The following LIPA variants were observed in gnomAD, a reference collection of about 807,000 sequenced individuals.
The protein encoded by LIPA is lipase A, lysosomal acid type.
In LIPA, 26 loss-of-function variants were observed where a neutral mutation model predicts 40.6. The observed-to-expected ratio is 0.64, with a 90% confidence interval of 0.47 to 0.89. LIPA has a LOEUF of 0.89. Among genes scored for constraint, LIPA ranks in the 40% least tolerant of loss-of-function variants. The pLI, the probability that LIPA is intolerant of heterozygous loss-of-function variation, is 0.00. For synonymous variants in LIPA, 188 were observed against 168.4 expected (o/e 1.12, Z -0.90); for missense variants, 455 against 479.6 (o/e 0.95, Z 0.48).
At chr10:89,304,718 C>T (rs1398293320) in intron 1 of LIPA, among the ~76,000 whole-genome samples, 1 of 152,054 alleles carries the variant, frequency 6.6e-6, no homozygotes, top group African/African-American at 2.4e-5. Flanking sequence ...GAAATACAGG[C>T]TTTTGCTCAT....
chr10:89,302,047 G>A (rs868622841), intron 1 of LIPA: 263 of 1,569,422 alleles, frequency 1.7e-4, no homozygotes, highest in Middle Eastern at 1.0e-3. Context: ...TTTATTGGTG[G>A]CAGAAGAGGA....
intron 2 of LIPA, among the ~76,000 whole-genome samples, chr10:89,390,754 G>A (rs1844241645): frequency 6.6e-6 from 1 of 152,160 alleles, no homozygotes; most frequent in South Asian, 2.1e-4. Context: ...GTAGAACCAA[G>A]ACTGCTGCCA....
intron 1 of LIPA, among the ~76,000 whole-genome samples, chr10:89,331,344 T>G (rs898407576): frequency 1.3e-5 from 2 of 152,098 alleles, no homozygotes; most frequent in Non-Finnish European, 1.5e-5. Flanking sequence ...GTTAATTTTT[T>G]TGTATTTTAG....
At chr10:89,340,716 T>C (rs1207621751) in intron 1 of LIPA, 1 of 152,154 alleles carries the variant, frequency 6.6e-6, no homozygotes, top group East Asian at 1.9e-4. Context: ...CAGTTCACAA[T>C]ATAACCACCA....
intron 1 of LIPA, among the ~76,000 whole-genome samples, chr10:89,262,149 T>C (rs1252459059): frequency 6.6e-6 from 1 of 152,128 alleles, no homozygotes; most frequent in Non-Finnish European, 1.5e-5. Flanking sequence ...TGAGGACTTG[T>C]AAACTCCTGG....
intron 1 of LIPA, among the ~76,000 whole-genome samples, chr10:89,320,799 A>G (rs1245592641): frequency 2.0e-3 from 309 of 152,232 alleles, no homozygotes; most frequent in Non-Finnish European, 3.1e-3. Flanking sequence ...GAGCCATCAC[A>G]CTACCTGACT....
chr10:89,403,432 G>A lies in LIPA; in HGVS notation c.61+9359C>T, dbSNP rs79377094. ...CAAGACATACATTTCCACTATGGTC[G>A]GTTTCAGGAATTTCAAAAGAAATCT... On this transcript the variant is annotated intron_variant, in intron 2 of 8. Coordinates refer to the LIPA transcript ENST00000371837. 120 of 1,613,778 alleles carry A rather than the reference G, an allele frequency of 7.4e-5. No homozygotes were observed. In the East Asian group the frequency reaches 2.5e-3, roughly 34 times the overall value.
At chr10:89,363,235 C>T (rs1322075946) in intron 2 of LIPA, 2 of 162,206 alleles carry the variant, frequency 1.2e-5, no homozygotes, top group Non-Finnish European at 2.8e-5. Context: ...AAACTGTAGA[C>T]AAAATAATAA....
chr10:89,226,013 G>T (rs1417192730), intron 5 of LIPA, among the ~76,000 whole-genome samples: 1 of 151,996 alleles, frequency 6.6e-6, no homozygotes, highest in Non-Finnish European at 1.5e-5. Flanking sequence ...TTTATAAATT[G>T]CCCAGTCTCG....
At chr10:89,252,808 A>C (rs201094839), upstream of LIPA, among the ~76,000 whole-genome samples, 1,170 of 136,742 alleles carry the variant, frequency 8.6e-3, 9 homozygotes, top group African/African-American at 0.015. Flanking sequence ...TCCATCCCCC[A>C]AAAAAAAAAA....
intron 2 of LIPA, among the ~76,000 whole-genome samples, chr10:89,380,435 C>CTT (rs58504474): frequency 9.9e-5 from 14 of 140,862 alleles, no homozygotes; most frequent in Admixed American, 7.1e-5. Context: ...ACAAACTCAT[C>CTT]TTTTTTTTTT....
intron 2 of LIPA, among the ~76,000 whole-genome samples, chr10:89,371,310 G>A (rs1272237826): frequency 6.6e-6 from 1 of 152,166 alleles, no homozygotes; most frequent in Non-Finnish European, 1.5e-5. Context: ...TAAGCTTGTG[G>A]CCTGCTTACA....
At chr10:89,405,275 A>G (rs957080324) in intron 2 of LIPA, 2 of 152,248 alleles carry the variant, frequency 1.3e-5, no homozygotes, top group African/African-American at 4.8e-5. Context: ...TAGTTAAATC[A>G]AGAAATATTA....
At chr10:89,386,234 G>C (rs1267401065) in intron 2 of LIPA, among the ~76,000 whole-genome samples, 1 of 152,074 alleles carries the variant, frequency 6.6e-6, no homozygotes, top group African/African-American at 2.4e-5. Context: ...AAAAACTAGG[G>C]AGGCATTTAC....
intron 8 of LIPA, among the ~76,000 whole-genome samples, chr10:89,220,076 TG>T (rs1842678016): frequency 6.6e-6 from 1 of 152,164 alleles, no homozygotes; most frequent in Non-Finnish European, 1.5e-5. Flanking sequence ...GCAAACCCCA[TG>T]CCCAGTGGAG....
intron 1 of LIPA, among the ~76,000 whole-genome samples, chr10:89,324,512 T>G (rs1333189446): frequency 6.6e-6 from 1 of 151,972 alleles, no homozygotes; most frequent in Non-Finnish European, 1.5e-5. Context: ...AACCAAAAAT[T>G]GACAAACGGG....
chr10:89,287,311 T>A (rs905988314), intron 1 of LIPA, among the ~76,000 whole-genome samples: 2 of 152,188 alleles, frequency 1.3e-5, no homozygotes, highest in African/African-American at 4.8e-5. Flanking sequence ...CAAGGTCCTG[T>A]TTCCCTTGCC....
chr10:89,319,250 CA>C (rs1182688745), intron 1 of LIPA, among the ~76,000 whole-genome samples: 1 of 151,968 alleles, frequency 6.6e-6, no homozygotes, highest in Non-Finnish European at 1.5e-5. Flanking sequence ...AAAAACCCTT[CA>C]AAAAAATCAA....
intron 1 of LIPA, among the ~76,000 whole-genome samples, chr10:89,300,475 C>G (rs899088251): frequency 6.6e-6 from 1 of 152,082 alleles, no homozygotes; most frequent in African/African-American, 2.4e-5. Flanking sequence ...CCCCAATTAC[C>G]CTGACTTGAT....
Sources: gnomAD v4.1 joint callset for allele counts (sites outside exome capture counted in the v4.1 genomes callset) on GRCh38, gnomAD v4.1.1 for gene constraint, MANE v1.5 for transcripts, NCBI Gene and HGNC (gene_info 2026-07-23, HGNC 2026-07-21) for gene names.